The following DISP1 variants were observed in gnomAD, a reference collection of about 807,000 sequenced individuals.
The protein encoded by DISP1 is dispatched RND transporter family member 1.
In DISP1, 30 loss-of-function variants were observed where a neutral mutation model predicts 37.3. The observed-to-expected ratio is 0.80, with a 90% CI of 0.60 to 1.09. DISP1 has a LOEUF of 1.09. DISP1 is among the 50% of genes least tolerant of loss of function. DISP1 has a pLI of 0.00. For synonymous variants in DISP1, 634 were observed against 690.2 expected, an observed-to-expected ratio of 0.92 and a Z score of 1.28; for missense variants, 1,598 against 1,879.5, an observed-to-expected ratio of 0.85 and a Z score of 2.77.
At chr1:222,842,312 T>TAAAAA (rs764087826) in intron 1 of DISP1, among the ~76,000 whole-genome samples, 10 of 146,926 alleles carry the variant, frequency 6.8e-5, no homozygotes, top group African/African-American at 2.5e-4. Flanking sequence ...ACCTGTCATT[T>TAAAAA]TAAAAAAAAA....
chr1:222,928,717 A>G (rs1673223300), intron 2 of DISP1, 147 bp downstream of exon 2: 1 of 151,960 alleles, frequency 6.6e-6, no homozygotes, highest in Non-Finnish European at 1.5e-5. Flanking sequence ...TTTTCAGTGT[A>G]AACTTTGAAC....
chr1:222,991,709 CA>C, intron 6 of DISP1, 62 bp downstream of exon 6: 1 of 1,534,806 alleles, frequency 6.5e-7, no homozygotes, highest in Non-Finnish European at 8.9e-7. Flanking sequence ...AATTCCTCTT[CA>C]AATACTGCCT....
intron 2 of DISP1, among the ~76,000 whole-genome samples, chr1:222,935,507 C>A (rs1673663911): frequency 6.6e-6 from 1 of 152,068 alleles, no homozygotes; most frequent in African/African-American, 2.4e-5. Context: ...TTTCTCCTAG[C>A]AAAATGGAGT....
chr1:222,995,377 T>C (rs1678983934), intron 8 of DISP1, among the ~76,000 whole-genome samples: 2 of 152,214 alleles, frequency 1.3e-5, no homozygotes. Flanking sequence ...AATTGTGCAA[T>C]GAAATGCCTG....
In DISP1 at chr1:222,984,415, A is replaced by ATAT. The variant is rs1225969320; in HGVS notation, c.539+1306_539+1307insTAT. Among the ~76,000 whole-genome samples the ATAT allele has an allele frequency of 8.7e-4, 51 of 58,314 alleles. 2 individuals are homozygous for ATAT. The highest frequency in any genetic ancestry group is 8.2e-3 in the South Asian group (7 of 852). 38.3% of individuals were successfully genotyped at this position (58,314 alleles called of 152,430 possible). ...CCAGACTCTGTCTCAAAAAAAAAAA[A>ATAT]AAAAAAATATATATATATATAGAGA... On this transcript the variant is annotated intron_variant, in intron 4 of 8. Coordinates refer to ENST00000675850, the MANE Select transcript of DISP1 (RefSeq NM_001377229.1).
intron 8 of DISP1, among the ~76,000 whole-genome samples, chr1:222,995,210 A>T (rs1309533581): frequency 6.6e-6 from 1 of 152,132 alleles, no homozygotes; most frequent in Admixed American, 6.5e-5. Context: ...TTTCCCATTC[A>T]TGATCTCTGG....
chr1:222,936,529 C>CTT (rs1673736607), intron 2 of DISP1, among the ~76,000 whole-genome samples: 2 of 95,396 alleles, frequency 2.1e-5, no homozygotes, highest in Non-Finnish European at 4.4e-5. Context: ...ATGGAAATGT[C>CTT]TCTCTCTCTC....
chr1:222,855,815 G>C (rs1356250387), intron 1 of DISP1, among the ~76,000 whole-genome samples: 2 of 151,418 alleles, frequency 1.3e-5, no homozygotes, highest in Non-Finnish European at 2.9e-5. Context: ...ATAAGCTATA[G>C]AGGTGTGTGA....
intron 1 of DISP1, among the ~76,000 whole-genome samples, chr1:222,923,770 T>C (rs1672936391): frequency 6.6e-6 from 1 of 152,158 alleles, no homozygotes; most frequent in Non-Finnish European, 1.5e-5. Flanking sequence ...AGGTCTCTGC[T>C]TCCTTGTCTG....
chr1:222,953,423 T>C (rs892500320), intron 3 of DISP1, among the ~76,000 whole-genome samples: 2 of 152,224 alleles, frequency 1.3e-5, no homozygotes, highest in African/African-American at 2.4e-5. Flanking sequence ...TTCCTTTTCA[T>C]TTTTATTTAT....
At chr1:222,983,637 G>A (rs2609371) in intron 4 of DISP1, among the ~76,000 whole-genome samples, 41,367 of 151,748 alleles carry the variant, frequency 0.27, 5,819 homozygotes, top group South Asian at 0.33. Flanking sequence ...ATATTTGTGC[G>A]TAAACATTTA....
In DISP1 at chr1:222,936,878, TG is replaced by T. The variant is rs1473751073; in HGVS notation, c.-17-5928del. 1.7e-4 allele frequency among the ~76,000 whole-genome samples: 12 copies of T among 70,072 alleles called. No individual in the cohort carries two copies. In the South Asian group the frequency reaches 3.1e-3, roughly 18 times the overall value. The allele number at this position is 70,072 out of a possible 152,430, so 46.0% of individuals were successfully genotyped here. A position where few individuals can be genotyped will look rare whatever the true frequency, so the allele number is the denominator to read the frequency against. On this transcript the variant is annotated intron_variant, in intron 2 of 8. Coordinates refer to ENST00000675850, the MANE Select transcript of DISP1 (RefSeq NM_001377229.1). ...ATATATAATTTATATATCATATATA[TG>T]ATATATATAATATATTATTTATATA...
At chr1:222,943,648 A>C in intron 3 of DISP1, 1 of 406,782 alleles carries the variant, frequency 2.5e-6, no homozygotes, top group Non-Finnish European at 4.5e-6. Context: ...GTTATTGTAC[A>C]TGGGAAGCAT....
At chr1:222,859,891 G>C (rs1211118155) in intron 1 of DISP1, among the ~76,000 whole-genome samples, 2 of 152,164 alleles carry the variant, frequency 1.3e-5, no homozygotes, top group Non-Finnish European at 1.5e-5. Flanking sequence ...TTCATTGTCT[G>C]TCACAGTCTG....
rs767009595 is a variant in DISP1 at position 223,005,932 on chromosome 1, C to G, written c.4535C>G (p.Ser1512Trp). 4 of 1,613,982 alleles carry G rather than the reference C, an allele frequency of 2.5e-6. No homozygotes were observed. Among genetic ancestry groups the G allele is most frequent in the Admixed American group, 3.3e-5 (2 of 60,028 alleles). ...AATGTGCCTGCTGTATTAACACACT[C>G]GGAACTTTCTGGTGAAAGTTTGTTA... The part of the protein sequence containing the change: ...EANVPAVLTH[S>W]ELSGESLLIK... Residue 1512 changes from serine (S) to tryptophan (W), a missense_variant, in exon 9 of 9, where the codon TCG (serine) becomes TGG (tryptophan). Coordinates refer to ENST00000675850, the MANE Select transcript of DISP1 (RefSeq NM_001377229.1).
chr1:222,941,218 A>G (rs1032250837), intron 2 of DISP1, among the ~76,000 whole-genome samples: 2 of 152,124 alleles, frequency 1.3e-5, no homozygotes, highest in Admixed American at 6.5e-5. Flanking sequence ...TACATTAACT[A>G]CTATTACTCT....
intron 1 of DISP1, among the ~76,000 whole-genome samples, chr1:222,847,494 A>G (rs1173287071): frequency 2.0e-5 from 3 of 152,238 alleles, no homozygotes; most frequent in Non-Finnish European, 4.4e-5. Flanking sequence ...ACACACAGGA[A>G]TATAGATAGT....
At chr1:222,936,870 C>CATATATATGATATATAATTTATATATG (rs1673887872) in intron 2 of DISP1, among the ~76,000 whole-genome samples, 2 of 41,582 alleles carry the variant, frequency 4.8e-5, no homozygotes, top group Non-Finnish European at 8.8e-5. Context: ...ATTTATATAT[C>CATATATATGATATATAATTTATATATG]ATATATATGA....
rs148190683 is a variant in DISP1, at chr1:222,877,974, T to C, written c.-158-50456T>C. Among the ~76,000 whole-genome samples the C allele has an allele frequency of 2.7e-3, 412 of 152,192 alleles. 1 individual carries two copies. The highest frequency in any genetic ancestry group is 9.7e-3 in the African/African-American group (405 of 41,542). On this transcript the variant is annotated intron_variant, in intron 1 of 8. Transcript: ENST00000675850. ...GAGCAGAGTTCCAGTGGGAGAGTGG[T>C]GTTGCCAGATAAGGCTGGAGAAGTA... is the stretch of plus-strand genomic sequence containing the variant.
Sources: allele counts gnomAD v4.1 joint callset (sites outside exome capture counted in the v4.1 genomes callset), GRCh38; gene constraint gnomAD v4.1.1; transcripts MANE v1.5; gene names NCBI Gene and HGNC (gene_info 2026-07-23, HGNC 2026-07-21).